Variants in AGBL3 observed in about 807,000 individuals in gnomAD.
AGBL3 encodes the protein AGBL carboxypeptidase 3, also known as cytosolic carboxypeptidase 3.
A neutral mutation model predicts 94.5 loss-of-function variants in AGBL3; 68 were observed. That is an observed-to-expected ratio of 0.72 (90% CI 0.59 to 0.88). The LOEUF (loss-of-function observed/expected upper bound fraction) is 0.88, where lower values mean the gene tolerates loss of function less well. Ranked by LOEUF, AGBL3 falls within the 40% of genes least tolerant of loss-of-function variation. AGBL3 has a pLI of 0.00. For missense variants in AGBL3, 934 were observed against 1,103.8 expected (o/e 0.85, Z 2.18); for synonymous variants, 354 against 370.7 (o/e 0.95, Z 0.52).
chr7:135,065,923 A>G (rs958970880), intron 12 of AGBL3, among the ~76,000 whole-genome samples: 2 of 152,266 alleles, frequency 1.3e-5, no homozygotes, highest in Admixed American at 6.5e-5. Flanking sequence ...GAAACTGGAT[A>G]TATACATAAA....
At position 134,989,654 on chromosome 7, in the gene AGBL3, G is replaced by A. The variant is rs555506055; in HGVS notation, c.124+344G>A. On this transcript the variant is annotated intron_variant, in intron 3 of 16. Transcript: ENST00000436302. ...TTAAACGAAGTACATTGTCTAAAGA[G>A]TCTCATTAATAAAGTCATTCATTTG... Among the ~76,000 whole-genome samples the A allele has an allele frequency of 2.0e-5, 3 of 152,282 alleles. No homozygotes were observed. In the South Asian group the frequency reaches 6.2e-4, roughly 32 times the overall value.
At chr7:135,096,240 A>T (rs987441082) in intron 15 of AGBL3, among the ~76,000 whole-genome samples, 1 of 152,116 alleles carries the variant, frequency 6.6e-6, no homozygotes, top group South Asian at 2.1e-4. Flanking sequence ...AGTGTTGTGT[A>T]TATTGGGATC....
intron 12 of AGBL3, among the ~76,000 whole-genome samples, chr7:135,067,917 C>T (rs113490947): frequency 6.6e-6 from 1 of 152,202 alleles, no homozygotes; most frequent in South Asian, 2.1e-4. Context: ...GAGAAGAAGG[C>T]TTCAGACAAT....
chr7:134,997,821 A>G (rs1248474529), intron 4 of AGBL3, among the ~76,000 whole-genome samples: 1 of 152,204 alleles, frequency 6.6e-6, no homozygotes, highest in Non-Finnish European at 1.5e-5. Flanking sequence ...TTAATCATTT[A>G]CACACAGGCT....
At chr7:134,991,159 C>T (rs1460734007) in intron 3 of AGBL3, among the ~76,000 whole-genome samples, 2 of 124,944 alleles carry the variant, frequency 1.6e-5, no homozygotes, top group Non-Finnish European at 1.6e-5. Context: ...CTATCTTGCA[C>T]ATGTGTAATT....
chr7:135,123,464 A>G (rs1827426034), intron 16 of AGBL3, among the ~76,000 whole-genome samples: 1 of 152,234 alleles, frequency 6.6e-6, no homozygotes, highest in African/African-American at 2.4e-5. Context: ...GTTGGAAAAC[A>G]CGCTTTATGA....
intron 12 of AGBL3, among the ~76,000 whole-genome samples, chr7:135,067,975 G>A (rs1449355834): frequency 6.6e-6 from 1 of 152,142 alleles, no homozygotes; most frequent in Non-Finnish European, 1.5e-5. Flanking sequence ...TGGCAAAGAA[G>A]TTAAAAACCT....
At chr7:135,050,018 T>A (rs1220146347) in intron 11 of AGBL3, among the ~76,000 whole-genome samples, 1 of 151,956 alleles carries the variant, frequency 6.6e-6, no homozygotes, top group Non-Finnish European at 1.5e-5. Flanking sequence ...TATTCTTTTT[T>A]AAATATATAC....
intron 5 of AGBL3, among the ~76,000 whole-genome samples, chr7:135,027,898 C>A (rs1815322432): frequency 6.6e-6 from 1 of 151,546 alleles, no homozygotes; most frequent in Non-Finnish European, 1.5e-5. Context: ...ATTTATACAA[C>A]CATGCCTCAG....
intron 14 of AGBL3, among the ~76,000 whole-genome samples, chr7:135,081,117 T>C (rs1454972728): frequency 6.6e-6 from 1 of 152,050 alleles, no homozygotes; most frequent in South Asian, 2.1e-4. Flanking sequence ...CAGCTAGGCA[T>C]ATTCAGCGGC....
intron 5 of AGBL3, among the ~76,000 whole-genome samples, chr7:135,019,823 C>T (rs941598765): frequency 4.6e-5 from 7 of 152,088 alleles, no homozygotes; most frequent in African/African-American, 1.7e-4. Context: ...GGAAAGGATT[C>T]CCTATTTAAC....
chr7:135,111,333 T>C (rs1825613482), intron 15 of AGBL3, among the ~76,000 whole-genome samples: 1 of 152,234 alleles, frequency 6.6e-6, no homozygotes, highest in Non-Finnish European at 1.5e-5. Flanking sequence ...TCCTCACTTG[T>C]ATACTTCTCA....
chr7:134,990,124 T>A (rs1399910710), intron 3 of AGBL3, among the ~76,000 whole-genome samples: 1 of 152,252 alleles, frequency 6.6e-6, no homozygotes, highest in Non-Finnish European at 1.5e-5. Context: ...TATCTACTCA[T>A]ATTCTTAGTT....
chr7:135,073,232 C>G (rs1359004860), intron 12 of AGBL3, among the ~76,000 whole-genome samples: 3 of 151,928 alleles, frequency 2.0e-5, no homozygotes, highest in Non-Finnish European at 4.4e-5. Context: ...CTATGGGAGG[C>G]CGATGCAGGT....
At chr7:135,095,821 A>G (rs1385021740) in intron 15 of AGBL3, among the ~76,000 whole-genome samples, 3 of 152,178 alleles carry the variant, frequency 2.0e-5, no homozygotes, top group Non-Finnish European at 4.4e-5. Context: ...GGGGTACTGA[A>G]GTGCAACTTA....
chr7:135,132,518 C>T (rs1170136096), intron 16 of AGBL3, among the ~76,000 whole-genome samples: 1 of 152,164 alleles, frequency 6.6e-6, no homozygotes, highest in Non-Finnish European at 1.5e-5. Context: ...GGATCTTACT[C>T]AATAAAGTCC....
chr7:135,028,910 C>T (rs1180817371), intron 5 of AGBL3, among the ~76,000 whole-genome samples: 1 of 152,160 alleles, frequency 6.6e-6, no homozygotes, highest in Non-Finnish European at 1.5e-5. Flanking sequence ...CAATGTTAGT[C>T]TCCAGTGCAT....
chr7:135,131,030 G>A (rs1329312593), intron 16 of AGBL3, among the ~76,000 whole-genome samples: 2 of 152,050 alleles, frequency 1.3e-5, no homozygotes, highest in Non-Finnish European at 2.9e-5. Flanking sequence ...ACTGTTTTAG[G>A]TGTGTGTGTC....
intron 3 of AGBL3, among the ~76,000 whole-genome samples, chr7:134,991,497 CTA>C (rs1161839276): frequency 2.0e-5 from 3 of 152,090 alleles, no homozygotes; most frequent in Non-Finnish European, 1.5e-5. Context: ...TTCTCAACCT[CTA>C]CACTACTGAC....
Sources: gnomAD v4.1 joint callset for allele counts (sites outside exome capture counted in the v4.1 genomes callset) on GRCh38, gnomAD v4.1.1 for gene constraint, MANE v1.5 for transcripts, NCBI Gene and HGNC (gene_info 2026-07-23, HGNC 2026-07-21) for gene names.